TBC1D22A: variants seen among roughly 807,000 people sequenced by gnomAD.
TBC1D22A encodes TBC1 domain family member 22A, also known as putative GTPase activator.
A neutral mutation model predicts 60.2 loss-of-function variants in TBC1D22A; 38 were observed. That is an observed-to-expected ratio of 0.63 (90% confidence interval 0.49 to 0.83). The LOEUF (loss-of-function observed/expected upper bound fraction) is 0.83, where lower values mean the gene tolerates loss of function less well. Ranked by LOEUF, TBC1D22A falls within the 40% of genes least tolerant of loss-of-function variation. TBC1D22A has a pLI of 0.00. For synonymous variants in TBC1D22A, 302 were observed against 281.7 expected, an observed-to-expected ratio of 1.07 and a Z score of -0.72; for missense variants, 628 against 701.0, an observed-to-expected ratio of 0.90 and a Z score of 1.18.
rs1165673596 is a variant in TBC1D22A at position 47,173,554 on chromosome 22, C to A, written c.1482C>A (p.Ile494=). 1 of 1,614,164 alleles carries A rather than the reference C, an allele frequency of 6.2e-7. No homozygotes were observed. Among genetic ancestry groups the A allele is most frequent in the South Asian group, 1.1e-5 (1 of 91,078 alleles). Residue 494 remains isoleucine, a synonymous_variant, in exon 13 of 13, where the codon ATC becomes ATA. Transcript: ENST00000337137. The part of the protein sequence containing the change: ...LPTAHWDDED[I]SLLLAEAYRL... Reference sequence around the variant, plus strand: ...CAGCCCACTGGGATGATGAGGACATCAGCCTGTTGCTGGCCGAGGCCTACC... The same window carrying A: ...CAGCCCACTGGGATGATGAGGACATAAGCCTGTTGCTGGCCGAGGCCTACC...
chr22:46,808,743 T>C (rs929891878), intron 4 of TBC1D22A, among the ~76,000 whole-genome samples: 1 of 152,160 alleles, frequency 6.6e-6, no homozygotes, highest in African/African-American at 2.4e-5. Flanking sequence ...TACAGGCACC[T>C]GCCACCATGC....
chr22:47,013,782 C>G (rs548266915), intron 10 of TBC1D22A, among the ~76,000 whole-genome samples: 1 of 152,348 alleles, frequency 6.6e-6, no homozygotes, highest in South Asian at 2.1e-4. Context: ...CTCTCTACCC[C>G]CTCGTCTCTC....
chr22:46,817,504 T>C (rs2085655876), intron 4 of TBC1D22A, among the ~76,000 whole-genome samples: 1 of 152,216 alleles, frequency 6.6e-6, no homozygotes, highest in Admixed American at 6.5e-5. Context: ...GAACATGCTA[T>C]GTTTGGTTTT....
intron 7 of TBC1D22A, among the ~76,000 whole-genome samples, chr22:46,902,116 G>T (rs1297249701): frequency 6.6e-6 from 1 of 152,192 alleles, no homozygotes; most frequent in Non-Finnish European, 1.5e-5. Flanking sequence ...CCTTAGTAGG[G>T]GACCTCAAGC....
At chr22:46,799,706 C>T (rs5769163) in intron 4 of TBC1D22A, among the ~76,000 whole-genome samples, 85,020 of 152,096 alleles carry the variant, frequency 0.56, 24,245 homozygotes, top group Middle Eastern at 0.72. Flanking sequence ...TAGCAGAGCA[C>T]GGGCCAGTGA....
chr22:47,140,941 C>T (rs1161490591), intron 12 of TBC1D22A, among the ~76,000 whole-genome samples: 1 of 152,258 alleles, frequency 6.6e-6, no homozygotes, highest in African/African-American at 2.4e-5. Flanking sequence ...GACTCTAGGA[C>T]CGCTCTGGCT....
At chr22:47,043,967 C>T (rs1214032364) in intron 11 of TBC1D22A, among the ~76,000 whole-genome samples, 3 of 151,994 alleles carry the variant, frequency 2.0e-5, no homozygotes, top group East Asian at 1.9e-4. Context: ...CCTGTCTGAG[C>T]GGGGCAGGTG....
chr22:46,954,243 A>G (rs530887443), intron 8 of TBC1D22A, among the ~76,000 whole-genome samples: 6 of 152,314 alleles, frequency 3.9e-5, no homozygotes, highest in African/African-American at 9.6e-5. Flanking sequence ...GACTTTGAAC[A>G]TGTCCTTTGC....
intron 8 of TBC1D22A, among the ~76,000 whole-genome samples, chr22:46,942,664 C>G (rs1250927673): frequency 1.3e-5 from 2 of 152,192 alleles, no homozygotes; most frequent in Non-Finnish European, 2.9e-5. Context: ...TCCACGGAGG[C>G]CCCTCCAAGC....
intron 11 of TBC1D22A, among the ~76,000 whole-genome samples, chr22:47,093,140 A>T (rs529875955): frequency 6.6e-6 from 1 of 152,256 alleles, no homozygotes; most frequent in Non-Finnish European, 1.5e-5. Context: ...CATTGAAAGG[A>T]TGTCTTTGAT....
intron 8 of TBC1D22A, among the ~76,000 whole-genome samples, chr22:46,918,479 G>A (rs2070527960): frequency 6.6e-6 from 1 of 152,216 alleles, no homozygotes; most frequent in Admixed American, 6.5e-5. Flanking sequence ...TGCCAGACCA[G>A]TGTGTGCCCC....
At chr22:46,979,701 T>G (rs2074438685) in intron 9 of TBC1D22A, among the ~76,000 whole-genome samples, 1 of 152,214 alleles carries the variant, frequency 6.6e-6, no homozygotes. Flanking sequence ...CAGTGACGGT[T>G]GAGTGTGGTG....
At chr22:46,773,900 A>C in intron 1 of TBC1D22A, 4 of 982,170 alleles carry the variant, frequency 4.1e-6, no homozygotes, top group Non-Finnish European at 4.8e-6. Context: ...CACAGCTCAT[A>C]AGTGGCAAAG....
chr22:46,794,996 A>T (rs1220380692), intron 3 of TBC1D22A, among the ~76,000 whole-genome samples: 1 of 152,228 alleles, frequency 6.6e-6, no homozygotes, highest in East Asian at 1.9e-4. Flanking sequence ...TCTAGTTTTT[A>T]AAACCACTTT....
At chr22:47,149,176 C>T (rs1220784560) in intron 12 of TBC1D22A, among the ~76,000 whole-genome samples, 1 of 152,130 alleles carries the variant, frequency 6.6e-6, no homozygotes, top group Non-Finnish European at 1.5e-5. Context: ...TCCAGAGCTG[C>T]AGTCAGGGCT....
intron 11 of TBC1D22A, among the ~76,000 whole-genome samples, chr22:47,070,923 G>A (rs1322716060): frequency 6.6e-6 from 1 of 152,156 alleles, no homozygotes; most frequent in Non-Finnish European, 1.5e-5. Flanking sequence ...TGGTTGGAGC[G>A]GAGCTGACCT....
At chr22:46,825,163 A>C (rs780217636) in intron 4 of TBC1D22A, among the ~76,000 whole-genome samples, 1 of 152,148 alleles carries the variant, frequency 6.6e-6, no homozygotes, top group Non-Finnish European at 1.5e-5. Flanking sequence ...AGTGTCAGGG[A>C]TAATGTAATA....
chr22:46,793,661 G>A lies in TBC1D22A; in HGVS notation c.280G>A (p.Val94Ile), dbSNP rs772925609. 6.2e-7 allele frequency: 1 copy of A among 1,613,474 alleles called. No homozygotes were observed. Among genetic ancestry groups the A allele is most frequent in the South Asian group, 1.1e-5 (1 of 91,062 alleles). Reference sequence around the variant, plus strand: ...GGCGGAGAGCCTGAACTCCGAGGTGGTCATGGAGACGGCCAACCGTGTGCT... The same window carrying A: ...GGCGGAGAGCCTGAACTCCGAGGTGATCATGGAGACGGCCAACCGTGTGCT... ...MAAESLNSEV[V>I]METANRVLRN... Residue 94 changes from valine (V) to isoleucine (I), a missense_variant, in exon 3 of 13, where the codon GTC (valine) becomes ATC (isoleucine). Val to Ile is a conservative substitution (Grantham distance 29, BLOSUM62 3). Transcript: ENST00000337137.
intron 8 of TBC1D22A, among the ~76,000 whole-genome samples, chr22:46,949,077 A>T (rs1208723335): frequency 6.6e-6 from 1 of 152,236 alleles, no homozygotes; most frequent in African/African-American, 2.4e-5. Flanking sequence ...AAGAAATGAC[A>T]GTCTGACCCA....
Sources: gnomAD v4.1 joint callset for allele counts (sites outside exome capture counted in the v4.1 genomes callset) on GRCh38, gnomAD v4.1.1 for gene constraint, MANE v1.5 for transcripts, NCBI Gene and HGNC (gene_info 2026-07-23, HGNC 2026-07-21) for gene names.